Variants in ROBO2 observed in about 807,000 individuals in gnomAD.
ROBO2 encodes roundabout guidance receptor 2, also known as roundabout homolog 2.
In ROBO2, 53 loss-of-function variants were observed where a neutral mutation model predicts 160.8. The observed-to-expected ratio is 0.33, with a 90% confidence interval of 0.26 to 0.41. The LOEUF is 0.41. Ranked by LOEUF, ROBO2 falls within the 10% of genes least tolerant of loss-of-function variation. The probability of loss-of-function intolerance (pLI) is 1.00; values close to 1 mark genes in which losing one functional copy is unlikely to be tolerated. For missense variants in ROBO2, 1,577 were observed against 1,722.4 expected (o/e 0.92, Z 1.49); for synonymous variants, 664 against 611.7 (o/e 1.09, Z -1.26).
chr3:77,309,666 TGA>T (rs2063380053), intron 2 of ROBO2, among the ~76,000 whole-genome samples: 1 of 152,244 alleles, frequency 6.6e-6, no homozygotes, highest in African/African-American at 2.4e-5. Context: ...TCTTCCCAGA[TGA>T]GTCATGGCAA....
At chr3:77,590,461 C>A (rs2094153113) in intron 17 of ROBO2, among the ~76,000 whole-genome samples, 1 of 152,128 alleles carries the variant, frequency 6.6e-6, no homozygotes, top group Non-Finnish European at 1.5e-5. Flanking sequence ...GCCTTCATCG[C>A]TGAAGGTATT....
chr3:76,774,910 G>A lies in ROBO2; in HGVS notation c.110-323104G>A, dbSNP rs186396396. ...GGAAAATAGTTTGGATGCAAAGCTG[G>A]CACGAAGGCTCAAAATACACAAGAG... is the stretch of plus-strand genomic sequence containing the variant. On this transcript the variant is annotated intron_variant, in intron 2 of 26. Transcript: ENST00000487694. 8.8e-4 allele frequency among the ~76,000 whole-genome samples: 133 copies of A among 150,358 alleles called. 1 individual carries two copies. Among genetic ancestry groups the A allele is most frequent in the African/African-American group, 3.0e-3 (124 of 41,270 alleles).
Position 76,887,193 on chromosome 3 carries a change from C to CCTTTTTTTTTTTTTTTTTTTTTTTTT in ROBO2, c.110-210821_110-210820insCTTTTTTTTTTTTTTTTTTTTTTTTT. ...ATTGCCCTGCCTTTGCTTCAGGAAG[C>CCTTTTTTTTTTTTTTTTTTTTTTTTT]ATTTTTTTTTTTTTTTTTTTTTTTT... On this transcript the variant is annotated intron_variant, in intron 2 of 26. Transcript: ENST00000487694. Among the ~76,000 whole-genome samples the CCTTTTTTTTTTTTTTTTTTTTTTTTT allele has an allele frequency of 1.7e-5, 2 of 120,444 alleles. 1 individual carries two copies. The allele number at this position is 120,444 out of a possible 152,430, so 79.0% of individuals were successfully genotyped here. A position where few individuals can be genotyped will look rare whatever the true frequency, so the allele number is the denominator to read the frequency against.
Position 77,576,072 on chromosome 3 carries a change from G to A in ROBO2, c.2203+1342G>A, listed in dbSNP as rs750633774. On this transcript the variant is annotated intron_variant, in intron 14 of 25. Transcript: ENST00000461745. The stretch of plus-strand genomic sequence containing the variant: ...AGGAAGCAGGCACGGTGTTCTCGCC[G>A]AGCCAGCAGCAAGGTGAATGAGAAA... Among the ~76,000 whole-genome samples, 3 of 152,012 alleles carry A rather than the reference G, an allele frequency of 2.0e-5. No individual in the cohort carries two copies. In the East Asian group the frequency reaches 5.8e-4, roughly 29 times the overall value.
chr3:77,224,924 A>G (rs1392930276), intron 2 of ROBO2, among the ~76,000 whole-genome samples: 2 of 151,938 alleles, frequency 1.3e-5, no homozygotes, highest in Admixed American at 1.3e-4. Flanking sequence ...TCCATCAAAT[A>G]TAGGAAAAGT....
At chr3:77,133,616 C>T (rs1011943923) in intron 2 of ROBO2, among the ~76,000 whole-genome samples, 2 of 147,662 alleles carry the variant, frequency 1.4e-5, no homozygotes, top group Non-Finnish European at 3.0e-5. Flanking sequence ...AAACACATTC[C>T]GTCCTGGGAT....
chr3:77,466,551 G>A (rs1051236844), intron 2 of ROBO2, among the ~76,000 whole-genome samples: 1 of 152,110 alleles, frequency 6.6e-6, no homozygotes, highest in African/African-American at 2.4e-5. Flanking sequence ...TAGCTAAAAT[G>A]ATGGAAATGG....
At chr3:77,183,475 A>C (rs534689486) in intron 2 of ROBO2, among the ~76,000 whole-genome samples, 57 of 152,098 alleles carry the variant, frequency 3.7e-4, no homozygotes, top group Non-Finnish European at 7.8e-4. Flanking sequence ...GTGCCCTCAT[A>C]AGCAGAAGAA....
Position 77,558,259 on chromosome 3 carries a change from G to T in ROBO2, c.1437+110G>T, listed in dbSNP as rs1480245808. ...TTACATCCTAGTATAATTGCTGCACGTTTAAAAACAGTTAATGTTATTACT... is the reference window on the plus strand; with the variant it reads ...TTACATCCTAGTATAATTGCTGCACTTTTAAAAACAGTTAATGTTATTACT... On this transcript the variant is annotated intron_variant, in intron 9 of 25. Transcript: ENST00000461745. 2.1e-5 allele frequency: 18 copies of T among 872,818 alleles called. No homozygotes were observed. In the African/African-American group the frequency reaches 2.8e-4, roughly 14 times the overall value. 54.1% of individuals were successfully genotyped at this position (872,818 alleles called of 1,614,324 possible).
chr3:77,617,531 G>C, exon 22 of ROBO2: 1 of 1,614,078 alleles, frequency 6.2e-7, no homozygotes, highest in Non-Finnish European at 8.5e-7. Context: ...GTGATAGCTG[G>C]TGCCCACCAT....
intron 2 of ROBO2, among the ~76,000 whole-genome samples, chr3:76,162,270 A>T (rs1333057763): frequency 6.6e-6 from 1 of 152,166 alleles, no homozygotes; most frequent in Non-Finnish European, 1.5e-5. Flanking sequence ...CTTTGATTTG[A>T]CTAGCCTCTT....
chr3:76,373,907 T>C lies in ROBO2; in HGVS notation c.109+436305T>C, dbSNP rs541021978. Among the ~76,000 whole-genome samples, 121 of 152,030 alleles carry C rather than the reference T, an allele frequency of 8.0e-4. 1 individual carries two copies. The highest frequency in any genetic ancestry group is 1.3e-3 in the Non-Finnish European group (91 of 67,916). ...GGCCATGATATCTGAAATGGTCTTA[T>C]TGTCACAGCTGATGTTTCTCTCTCT... On this transcript the variant is annotated intron_variant, in intron 2 of 26. Coordinates refer to the ROBO2 transcript ENST00000487694.
At chr3:76,979,073 G>A (rs1168888917) in intron 2 of ROBO2, among the ~76,000 whole-genome samples, 1 of 152,036 alleles carries the variant, frequency 6.6e-6, no homozygotes, top group East Asian at 1.9e-4. Flanking sequence ...TTCCCAAGCA[G>A]CTGGGACTAC....
chr3:76,173,135 T>C (rs1302140042), intron 2 of ROBO2, among the ~76,000 whole-genome samples: 1 of 128,770 alleles, frequency 7.8e-6, no homozygotes, highest in Non-Finnish European at 1.6e-5. Flanking sequence ...TTTATGACTT[T>C]GGACAAGATA....
intron 2 of ROBO2, among the ~76,000 whole-genome samples, chr3:76,345,706 C>A (rs577659850): frequency 1.3e-5 from 2 of 151,896 alleles, no homozygotes; most frequent in East Asian, 1.9e-4. Context: ...AAAATAATTT[C>A]TTGAGCCTAA....
intron 2 of ROBO2, among the ~76,000 whole-genome samples, chr3:77,396,116 C>T (rs2075262880): frequency 1.3e-5 from 2 of 151,434 alleles, no homozygotes; most frequent in Non-Finnish European, 2.9e-5. Context: ...ATCCATCCAT[C>T]CCTGAGTTAA....
At chr3:77,610,700 A>G (rs2094611407) in intron 21 of ROBO2, among the ~76,000 whole-genome samples, 1 of 112,256 alleles carries the variant, frequency 8.9e-6, no homozygotes, top group Non-Finnish European at 1.7e-5. Context: ...TATTGTTGTG[A>G]TTTTCTGTGC....
intron 2 of ROBO2, among the ~76,000 whole-genome samples, chr3:77,031,474 T>A (rs2063319189): frequency 1.4e-5 from 2 of 147,038 alleles, no homozygotes; most frequent in Non-Finnish European, 3.0e-5. Context: ...GATATATGAC[T>A]ATTATATATA....
chr3:76,386,803 G>A (rs1358968294), intron 2 of ROBO2, among the ~76,000 whole-genome samples: 1 of 152,100 alleles, frequency 6.6e-6, no homozygotes, highest in African/African-American at 2.4e-5. Context: ...TTCCAACTGT[G>A]GGACATACAT....
Sources: gnomAD v4.1 joint callset for allele counts (sites outside exome capture counted in the v4.1 genomes callset) on GRCh38, gnomAD v4.1.1 for gene constraint, MANE v1.5 for transcripts, NCBI Gene and HGNC (gene_info 2026-07-23, HGNC 2026-07-21) for gene names.